Variants in STXBP3 observed in about 807,000 individuals in gnomAD.
STXBP3 encodes the protein syntaxin-binding protein 3.
STXBP3 carries 41 observed loss-of-function variants against 85.7 expected under a neutral mutation model. The ratio of observed to expected loss-of-function variants is 0.48; its 90% CI spans 0.37 to 0.62. The LOEUF is 0.62. STXBP3 is among the 20% of genes least tolerant of loss of function. The pLI, the probability that STXBP3 is intolerant of heterozygous loss-of-function variation, is 0.00. For synonymous variants in STXBP3, 229 were observed against 231.7 expected, an observed-to-expected ratio of 0.99 and a Z score of 0.10; for missense variants, 563 against 703.1, an observed-to-expected ratio of 0.80 and a Z score of 2.25.
Position 108,760,075 on chromosome 1 carries a change from A to C in STXBP3, c.428A>C (p.His143Pro). 1 of 1,552,462 alleles carries C rather than the reference A, an allele frequency of 6.4e-7. No homozygotes were observed. The highest frequency in any genetic ancestry group is 8.7e-7 in the Non-Finnish European group (1 of 1,152,712). Residue 143 changes from histidine (H) to proline (P), a missense_variant, in exon 6 of 19, where the codon CAT becomes CCT. This residue lies in a region of STXBP3 where 494 missense variants were observed against 592.8 expected (regional missense o/e 0.83). Transcript: ENST00000370008. ...GAAATAAATATTTCCTTCATTCCAC[A>C]TGAATCTCAGGTACTTTCTATTTTT... ...CKEINISFIP[H>P]ESQVYTLDVP...
At chr1:108,779,177 GA>G (rs1662661343) in intron 8 of STXBP3, 108 bp from the exon 9 acceptor site, 1 of 1,190,822 alleles carries the variant, frequency 8.4e-7, no homozygotes, top group Non-Finnish European at 1.2e-6. Context: ...TTTTGGTGGG[GA>G]AAAGGGACAG....
chr1:108,793,902 AT>A (rs1479208734), intron 12 of STXBP3, among the ~76,000 whole-genome samples: 1 of 150,804 alleles, frequency 6.6e-6, no homozygotes, highest in African/African-American at 2.4e-5. Context: ...ACAGAGTCAC[AT>A]TTATCAACCT....
chr1:108,782,829 A>G (rs972968511), intron 11 of STXBP3, 123 bp downstream of exon 11: 4 of 789,448 alleles, frequency 5.1e-6, no homozygotes, highest in Non-Finnish European at 8.0e-6. Context: ...GTAGAGAATG[A>G]ACTCCTACGT....
intron 1 of STXBP3, 133 bp downstream of exon 1, chr1:108,746,919 G>A (rs903044558): frequency 3.5e-6 from 3 of 868,922 alleles, no homozygotes; most frequent in Non-Finnish European, 5.5e-6. Flanking sequence ...ACCTGTGTGA[G>A]GACTTCTTCC....
chr1:108,808,490 G>C (rs145749483), intron 18 of STXBP3, among the ~76,000 whole-genome samples: 1 of 152,354 alleles, frequency 6.6e-6, no homozygotes, highest in African/African-American at 2.4e-5. Flanking sequence ...AACTGTTATA[G>C]TGCTGAGGAT....
intron 1 of STXBP3, among the ~76,000 whole-genome samples, chr1:108,747,328 G>A (rs1661812873): frequency 6.6e-6 from 1 of 152,178 alleles, no homozygotes; most frequent in South Asian, 2.1e-4. Context: ...TCCGAGAGGA[G>A]CCTACTTTCT....
intron 17 of STXBP3, among the ~76,000 whole-genome samples, chr1:108,803,878 C>T (rs1209300689): frequency 3.3e-5 from 5 of 152,298 alleles, no homozygotes; most frequent in African/African-American, 1.2e-4. Flanking sequence ...TATGTTCAGT[C>T]AACACTTGTA....
At chr1:108,775,912 A>G (rs1014535875) in intron 7 of STXBP3, among the ~76,000 whole-genome samples, 1 of 135,530 alleles carries the variant, frequency 7.4e-6, no homozygotes, top group African/African-American at 3.0e-5. Flanking sequence ...CAATGTAGAT[A>G]AATCTCAAAC....
intron 1 of STXBP3, among the ~76,000 whole-genome samples, chr1:108,751,579 G>C (rs193250856): frequency 1.3e-5 from 2 of 151,714 alleles, no homozygotes; most frequent in Admixed American, 1.3e-4. Context: ...TATTACTACC[G>C]ATTTTAAAAT....
At chr1:108,773,835 CT>C (rs909853525) in intron 7 of STXBP3, among the ~76,000 whole-genome samples, 5 of 150,180 alleles carry the variant, frequency 3.3e-5, no homozygotes, top group East Asian at 1.9e-4. Flanking sequence ...AGCCAGGAAT[CT>C]TTTTTTTTTC....
At chr1:108,807,306 A>C (rs1394216194) in intron 17 of STXBP3, 95 bp from the exon 18 acceptor site, 3 of 896,128 alleles carry the variant, frequency 3.3e-6, no homozygotes, top group Non-Finnish European at 4.8e-6. Flanking sequence ...AGCAAGTTTG[A>C]GTTTGGTTGA....
At chr1:108,761,234 A>G (rs1401035298) in intron 6 of STXBP3, among the ~76,000 whole-genome samples, 1 of 152,104 alleles carries the variant, frequency 6.6e-6, no homozygotes, top group African/African-American at 2.4e-5. Flanking sequence ...AAAGAAAAAT[A>G]ATAATCCAAA....
At chr1:108,803,379 G>A (rs1663270385) in intron 17 of STXBP3, among the ~76,000 whole-genome samples, 1 of 152,192 alleles carries the variant, frequency 6.6e-6, no homozygotes, top group Non-Finnish European at 1.5e-5. Context: ...AAATTCAGTT[G>A]TATGTGCATG....
intron 6 of STXBP3, among the ~76,000 whole-genome samples, chr1:108,770,593 T>C (rs1373142844): frequency 6.6e-6 from 1 of 152,170 alleles, no homozygotes; most frequent in African/African-American, 2.4e-5. Flanking sequence ...GAGAAATGAA[T>C]AACTGTGTGT....
intron 13 of STXBP3, among the ~76,000 whole-genome samples, chr1:108,795,619 T>C (rs564297551): frequency 3.3e-5 from 5 of 152,328 alleles, no homozygotes; most frequent in African/African-American, 1.2e-4. Flanking sequence ...CTCCTGGTGT[T>C]TTGTACCTAC....
chr1:108,800,213 T>G lies in STXBP3; in HGVS notation c.1450-7T>G, dbSNP rs767989548. The stretch of plus-strand genomic sequence containing the variant: ...TTATTGATGGAATTAACTCTTTCCT[T>G]CCTTAGGATGCTATTGATAATAGAT... On this transcript the variant is annotated splice_polypyrimidine_tract_variant and splice_region_variant and intron_variant, in intron 16 of 18. Transcript: ENST00000370008. 1 of 1,596,614 alleles carries G rather than the reference T, an allele frequency of 6.3e-7. No individual in the cohort carries two copies. The highest frequency in any genetic ancestry group is 8.6e-7 in the Non-Finnish European group (1 of 1,164,452).
At chr1:108,750,834 A>G (rs1219105605) in intron 1 of STXBP3, among the ~76,000 whole-genome samples, 2 of 152,170 alleles carry the variant, frequency 1.3e-5, no homozygotes, top group African/African-American at 4.8e-5. Context: ...AGGTTCATTA[A>G]TTTGCTGGAA....
rs1661938020 is a variant in STXBP3, at chr1:108,753,055, G to C, written c.100-8G>C. Reference sequence around the variant, plus strand: ...TTACAGTATTTTTAAATTTGTGTTTGTTTTAAGATAATGCTTTTAGATGAA... The same window carrying C: ...TTACAGTATTTTTAAATTTGTGTTTCTTTTAAGATAATGCTTTTAGATGAA... On this transcript the variant is annotated splice_polypyrimidine_tract_variant and splice_region_variant and intron_variant, in intron 2 of 18. Coordinates refer to ENST00000370008, the MANE Select transcript of STXBP3 (RefSeq NM_007269.4). 3 of 1,552,574 alleles carry C rather than the reference G, an allele frequency of 1.9e-6. No homozygotes were observed. Among genetic ancestry groups the C allele is most frequent in the African/African-American group, 1.4e-5 (1 of 71,862 alleles).
At chr1:108,777,516 T>TA (rs1327637484) in intron 8 of STXBP3, among the ~76,000 whole-genome samples, 2 of 152,284 alleles carry the variant, frequency 1.3e-5, no homozygotes, top group East Asian at 3.9e-4. Flanking sequence ...TGAAGGCTGT[T>TA]ATTCTGGTTG....
Sources: gnomAD v4.1 joint callset for allele counts (sites outside exome capture counted in the v4.1 genomes callset) on GRCh38, gnomAD v4.1.1 for gene constraint, gnomAD v4.1.1 regional missense constraint, MANE v1.5 for transcripts, NCBI Gene and HGNC (gene_info 2026-07-23, HGNC 2026-07-21) for gene names.